The following CNOT4 variants were observed in gnomAD, a reference collection of about 807,000 sequenced individuals.
The protein encoded by CNOT4 is CCR4-NOT transcription complex subunit 4.
In CNOT4, 8 loss-of-function variants were observed where a neutral mutation model predicts 73.8. The ratio of observed to expected loss-of-function variants is 0.11; its 90% CI spans 0.06 to 0.20. The LOEUF (loss-of-function observed/expected upper bound fraction) is 0.20. Among genes scored for constraint, CNOT4 ranks in the 10% least tolerant of loss-of-function variants. The pLI, the probability that CNOT4 is intolerant of heterozygous loss-of-function variation, is 1.00. For missense variants in CNOT4, 564 were observed against 883.4 expected, an observed-to-expected ratio of 0.64 and a Z score of 4.58; for synonymous variants, 293 against 321.1, an observed-to-expected ratio of 0.91 and a Z score of 0.94.
At chr7:135,462,029 A>G (rs1196781040) in intron 1 of CNOT4, among the ~76,000 whole-genome samples, 2 of 152,142 alleles carry the variant, frequency 1.3e-5, no homozygotes, top group African/African-American at 2.4e-5. Flanking sequence ...TATCCGTCTT[A>G]AGAGTATATT....
At chr7:135,424,043 ACAC>A (rs1798349122) in intron 2 of CNOT4, among the ~76,000 whole-genome samples, 1 of 3,982 alleles carries the variant, frequency 2.5e-4, no homozygotes, top group Non-Finnish European at 6.3e-4. Flanking sequence ...CAAACAAAAC[ACAC>A]ACACACACAC....
At chr7:135,456,474 A>G (rs1800535692) in intron 1 of CNOT4, among the ~76,000 whole-genome samples, 1 of 152,074 alleles carries the variant, frequency 6.6e-6, no homozygotes, top group South Asian at 2.1e-4. Flanking sequence ...GTTTCTCTCT[A>G]TTCTAAGGAT....
In CNOT4 at chr7:135,455,326, C is replaced by G. The variant is rs1019493716; in HGVS notation, c.-92-16903G>C. ...AAAAAAAAGCTTTAAATTCATATAG[C>G]AATGCCAACCAATTCAACCAACTCA... On this transcript the variant is annotated intron_variant, in intron 1 of 11. Transcript: ENST00000541284. Among the ~76,000 whole-genome samples the G allele has an allele frequency of 2.2e-4, 34 of 151,286 alleles. 1 individual carries two copies. The highest frequency in any genetic ancestry group is 8.8e-5 in the Non-Finnish European group (6 of 67,884).
intron 1 of CNOT4, among the ~76,000 whole-genome samples, chr7:135,466,169 A>T (rs1343313243): frequency 7.9e-5 from 12 of 151,904 alleles, no homozygotes; most frequent in East Asian, 3.9e-4. Context: ...AAAAGTTAAA[A>T]TTTTTTTTAA....
intron 1 of CNOT4, among the ~76,000 whole-genome samples, chr7:135,507,135 C>T (rs1033325567): frequency 5.3e-5 from 8 of 152,170 alleles, no homozygotes; most frequent in Non-Finnish European, 1.2e-4. Flanking sequence ...TGCAAGTTAT[C>T]GCTAGTACTC....
intron 2 of CNOT4, among the ~76,000 whole-genome samples, chr7:135,435,541 T>C (rs1489142930): frequency 6.6e-6 from 1 of 152,238 alleles, no homozygotes; most frequent in Non-Finnish European, 1.5e-5. Flanking sequence ...TCTTTCTACA[T>C]GAATATGACA....
chr7:135,488,230 C>G (rs1802869002), intron 1 of CNOT4, among the ~76,000 whole-genome samples: 1 of 151,940 alleles, frequency 6.6e-6, no homozygotes, highest in African/African-American at 2.4e-5. Flanking sequence ...GGCATGATGT[C>G]AACTCACTGC....
chr7:135,402,172 C>T (rs1352102837), intron 7 of CNOT4, among the ~76,000 whole-genome samples: 1 of 149,280 alleles, frequency 6.7e-6, no homozygotes, highest in Non-Finnish European at 1.5e-5. Flanking sequence ...TGCAGTAGCA[C>T]TATCTTGGCT....
intron 10 of CNOT4, chr7:135,384,653 T>C (rs770664541): frequency 4.8e-5 from 37 of 765,024 alleles, no homozygotes; most frequent in South Asian, 4.8e-4. Context: ...CCCAACGACA[T>C]CTATTATCCT....
rs200916734 is a variant in CNOT4 at position 135,488,084 on chromosome 7, GA to G, written c.-93+21804del. On this transcript the variant is annotated intron_variant, in intron 1 of 11. Transcript: ENST00000541284. ...ACTCCGTCTCAAAGAAGAAAAAAAA[GA>G]AAAAAAAAGCATTCTTTAAACTCTA... is the stretch of plus-strand genomic sequence containing the variant. Among the ~76,000 whole-genome samples the G allele has an allele frequency of 3.4e-5, 5 of 148,416 alleles. No homozygotes were observed. The South Asian group carries it at 6.3e-4, about 19-fold the overall frequency.
chr7:135,423,268 A>C (rs1342034039), intron 2 of CNOT4, among the ~76,000 whole-genome samples: 3 of 151,992 alleles, frequency 2.0e-5, no homozygotes, highest in Admixed American at 2.0e-4. Flanking sequence ...TAAACTGGAT[A>C]GGAAGAGATT....
chr7:135,472,333 C>T (rs955750899), intron 1 of CNOT4, among the ~76,000 whole-genome samples: 27 of 148,628 alleles, frequency 1.8e-4, no homozygotes, highest in Non-Finnish European at 3.3e-4. Context: ...AAAAATTAGC[C>T]AGGCGTGGTG....
At chr7:135,409,896 A>G (rs113309457) in intron 7 of CNOT4, among the ~76,000 whole-genome samples, 2 of 152,130 alleles carry the variant, frequency 1.3e-5, no homozygotes, top group South Asian at 4.1e-4. Flanking sequence ...AAGAAGATCA[A>G]CATATCAGAA....
intron 1 of CNOT4, among the ~76,000 whole-genome samples, chr7:135,467,205 A>C (rs1404618478): frequency 6.6e-6 from 1 of 152,202 alleles, no homozygotes; most frequent in Non-Finnish European, 1.5e-5. Flanking sequence ...AAGAAATATT[A>C]ATGATTAATA....
chr7:135,437,935 C>T (rs188768892), intron 2 of CNOT4, among the ~76,000 whole-genome samples: 3 of 152,316 alleles, frequency 2.0e-5, no homozygotes, highest in East Asian at 3.9e-4. Flanking sequence ...AGAGAGGTTA[C>T]ATGACTTTAC....
intron 2 of CNOT4, among the ~76,000 whole-genome samples, chr7:135,435,944 T>C (rs1471182523): frequency 7.9e-6 from 1 of 125,996 alleles, no homozygotes; most frequent in African/African-American, 3.1e-5. Context: ...GGTAGGCCTA[T>C]AAGGCTGCTC....
At position 135,509,799 on chromosome 7, in the gene CNOT4, G is replaced by C. The variant is rs915746711; in HGVS notation, c.-93+90C>G. The stretch of plus-strand genomic sequence containing the variant: ...AGGCGGGGGGTGGGGAGAAAGGGGG[G>C]TGCGGCCTGTACAGTCCCAGCGAAG... On this transcript the variant is annotated intron_variant, in intron 1 of 11. Transcript: ENST00000541284. 105 of 372,278 alleles carry C rather than the reference G, an allele frequency of 2.8e-4. 1 individual carries two copies. In the Admixed American group the frequency reaches 4.7e-3, roughly 17 times the overall value. The allele number at this position is 372,278 out of a possible 1,614,324, so 23.1% of individuals were successfully genotyped here.
At chr7:135,476,751 C>A (rs1802019741) in intron 1 of CNOT4, among the ~76,000 whole-genome samples, 1 of 152,148 alleles carries the variant, frequency 6.6e-6, no homozygotes, top group South Asian at 2.1e-4. Context: ...GCGGGCAGAT[C>A]ACTTGAGCTC....
intron 1 of CNOT4, among the ~76,000 whole-genome samples, chr7:135,489,391 C>CTTTT (rs71174525): frequency 5.3e-3 from 448 of 84,688 alleles, no homozygotes; most frequent in Middle Eastern, 0.011. Flanking sequence ...AGTCACATTT[C>CTTTT]TTTTTTTTTT....
Sources: gnomAD v4.1 joint callset for allele counts (sites outside exome capture counted in the v4.1 genomes callset) on GRCh38, gnomAD v4.1.1 for gene constraint, MANE v1.5 for transcripts, NCBI Gene and HGNC (gene_info 2026-07-23, HGNC 2026-07-21) for gene names.